DNAJB1: variants seen among roughly 807,000 people sequenced by gnomAD.
The protein encoded by DNAJB1 is dnaJ homolog subfamily B member 1.
Under a neutral mutation model 24.0 loss-of-function variants are expected in DNAJB1, and 14 were observed. The ratio of observed to expected loss-of-function variants is 0.58; its 90% CI spans 0.39 to 0.91. The LOEUF (loss-of-function observed/expected upper bound fraction) is 0.91. Ranked by LOEUF, DNAJB1 falls within the 40% of genes least tolerant of loss-of-function variation. The pLI is 0.00. For synonymous variants in DNAJB1, 262 were observed against 174.4 expected (o/e 1.50, Z -3.96); for missense variants, 517 against 458.1 (o/e 1.13, Z -1.17).
Position 14,516,461 on chromosome 19 carries a change from C to T in DNAJB1, c.792+5G>A. The T allele has an allele frequency of 6.2e-7, 1 of 1,609,476 alleles. No individual in the cohort carries two copies. The highest frequency in any genetic ancestry group is 8.5e-7 in the Non-Finnish European group (1 of 1,176,520). On this transcript the variant is annotated splice_donor_5th_base_variant and intron_variant, in intron 2 of 2. Transcript: ENST00000254322. ...CTACAGACACCGCCCCACCTGGCACCTTACCTCCCGGAGGCTGATCCTGGC... is the reference window on the plus strand; with the variant it reads ...CTACAGACACCGCCCCACCTGGCACTTTACCTCCCGGAGGCTGATCCTGGC...
chr19:14,535,093 C>G (rs1296794768), intron 1 of DNAJB1, among the ~76,000 whole-genome samples: 1 of 152,094 alleles, frequency 6.6e-6, no homozygotes, highest in Non-Finnish European at 1.5e-5. Context: ...TGAGCCTTGC[C>G]TGGGTGCAGT....
rs2072246369 is a variant in DNAJB1 at position 14,515,773 on chromosome 19, T to TA, written c.*166dup. ...TATAGCTCGAAAAACCACTGAAGTC[T>TA]AGTGTGCGACTTTGAAAGATTGTAA... On this transcript the variant is annotated 3_prime_UTR_variant, in exon 3 of 3. Coordinates refer to ENST00000254322, the MANE Select transcript of DNAJB1 (RefSeq NM_006145.3). 3.1e-6 allele frequency: 2 copies of TA among 654,874 alleles called. No individual in the cohort carries two copies. The highest frequency in any genetic ancestry group is 2.6e-6 in the Non-Finnish European group (1 of 391,500). The allele number at this position is 654,874 out of a possible 1,614,324, so 40.6% of individuals were successfully genotyped here. A position where few individuals can be genotyped will look rare whatever the true frequency, so the allele number is the denominator to read the frequency against.
At chr19:14,521,293 T>C (rs1389999257), upstream of DNAJB1, among the ~76,000 whole-genome samples, 3 of 151,910 alleles carry the variant, frequency 2.0e-5, no homozygotes, top group Non-Finnish European at 4.4e-5. Context: ...ACCCCGTCTC[T>C]ACTAAAAATA....
chr19:14,519,548 C>G (rs2072338493), upstream of DNAJB1, among the ~76,000 whole-genome samples: 1 of 152,130 alleles, frequency 6.6e-6, no homozygotes, highest in African/African-American at 2.4e-5. Flanking sequence ...CCGCCTTCTT[C>G]CCTTTACTGC....
At chr19:14,517,800 G>T in intron 1 of DNAJB1, 1 of 232,058 alleles carries the variant, frequency 4.3e-6, no homozygotes, top group African/African-American at 2.3e-5. Context: ...GTGAGCCCGG[G>T]TCCGCAGCGG....
At chr19:14,547,264 A>G (rs1282940267) in intron 1 of DNAJB1, among the ~76,000 whole-genome samples, 1 of 152,244 alleles carries the variant, frequency 6.6e-6, no homozygotes, top group Non-Finnish European at 1.5e-5. Context: ...TACCGACAGT[A>G]GGCCAGAAAT....
At chr19:14,553,282 G>A (rs117082507), upstream of DNAJB1, among the ~76,000 whole-genome samples, 66 of 152,262 alleles carry the variant, frequency 4.3e-4, no homozygotes, top group Non-Finnish European at 7.3e-4. Context: ...CCTCGGATCC[G>A]AGAGCCCAGA....
chr19:14,517,340 TCAC>T (rs2072287192), intron 1 of DNAJB1: 2 of 354,706 alleles, frequency 5.6e-6, no homozygotes, highest in Non-Finnish European at 1.0e-5. Flanking sequence ...CCTGGCAACA[TCAC>T]CAAGAGATGG....
At chr19:14,520,630 C>G (rs2072349167), upstream of DNAJB1, among the ~76,000 whole-genome samples, 1 of 152,122 alleles carries the variant, frequency 6.6e-6, no homozygotes, top group Non-Finnish European at 1.5e-5. Context: ...ATTCCCTAGA[C>G]ATCGAGAACC....
intron 1 of DNAJB1, among the ~76,000 whole-genome samples, chr19:14,540,922 C>T (rs1004381856): frequency 6.6e-6 from 1 of 152,100 alleles, no homozygotes; most frequent in Non-Finnish European, 1.5e-5. Context: ...GCAACTTCCG[C>T]TTTCCGGTTT....
At chr19:14,529,474 G>A (rs552957110), upstream of DNAJB1, 2 of 674,784 alleles carry the variant, frequency 3.0e-6, no homozygotes, top group South Asian at 1.6e-5. Flanking sequence ...ATCCCCTGGT[G>A]CTAGTCCTAG....
chr19:14,534,915 G>A (rs2072808174), intron 1 of DNAJB1, among the ~76,000 whole-genome samples: 1 of 152,294 alleles, frequency 6.6e-6, no homozygotes, highest in South Asian at 2.1e-4. Context: ...CTTCTCTGCT[G>A]ATGCTGCCCT....
intron 1 of DNAJB1, 30 bp from the exon 2 acceptor site, chr19:14,517,076 G>A: frequency 6.3e-7 from 1 of 1,575,764 alleles, no homozygotes; most frequent in Non-Finnish European, 8.6e-7. Flanking sequence ...GCAGTCAGAT[G>A]GCTGAACAGC....
intron 1 of DNAJB1, among the ~76,000 whole-genome samples, chr19:14,538,278 G>A (rs978683371): frequency 3.9e-5 from 6 of 152,040 alleles, no homozygotes; most frequent in Non-Finnish European, 5.9e-5. Context: ...GGACTTGGAG[G>A]CCACCCACTC....
At chr19:14,533,080 C>T (rs1435054552), upstream of DNAJB1, among the ~76,000 whole-genome samples, 1 of 151,850 alleles carries the variant, frequency 6.6e-6, no homozygotes, top group Non-Finnish European at 1.5e-5. Context: ...CCACTGTACT[C>T]CAGCCTGGGT....
chr19:14,524,403 G>A (rs188647012), intron 2 of DNAJB1, among the ~76,000 whole-genome samples: 3 of 152,096 alleles, frequency 2.0e-5, no homozygotes, highest in East Asian at 1.9e-4. Context: ...ATGGTGGCAC[G>A]TGCCAGCTAC....
chr19:14,548,830 C>T (rs1223686671), intron 1 of DNAJB1, among the ~76,000 whole-genome samples: 2 of 152,082 alleles, frequency 1.3e-5, no homozygotes, highest in African/African-American at 4.8e-5. Flanking sequence ...TCACTTTGGC[C>T]TCCCAAAGTG....
At chr19:14,543,187 T>G (rs1334785316) in intron 1 of DNAJB1, among the ~76,000 whole-genome samples, 1 of 149,492 alleles carries the variant, frequency 6.7e-6, no homozygotes, top group Non-Finnish European at 1.5e-5. Context: ...GGAGAAGCTG[T>G]TTCCCCAGAC....
At chr19:14,533,712 C>T (rs781297256), upstream of DNAJB1, among the ~76,000 whole-genome samples, 1 of 152,128 alleles carries the variant, frequency 6.6e-6, no homozygotes, top group Non-Finnish European at 1.5e-5. Context: ...CTCATCTGAT[C>T]TGAGAGGAAA....
Sources: allele counts gnomAD v4.1 joint callset (sites outside exome capture counted in the v4.1 genomes callset), GRCh38; gene constraint gnomAD v4.1.1; transcripts MANE v1.5; gene names NCBI Gene and HGNC (gene_info 2026-07-23, HGNC 2026-07-21).